PPFIBP1: variants seen among roughly 807,000 people sequenced by gnomAD.
The protein encoded by PPFIBP1 is PPFIB scaffold protein 1.
PPFIBP1 carries 112 observed loss-of-function variants against 137.8 expected under a neutral mutation model. The observed-to-expected ratio is 0.81, with a 90% CI of 0.70 to 0.95. The LOEUF (loss-of-function observed/expected upper bound fraction) is 0.95, where lower values mean the gene tolerates loss of function less well. PPFIBP1 is among the 40% of genes least tolerant of loss of function. PPFIBP1 has a pLI of 0.00. For missense variants in PPFIBP1, 1,083 were observed against 1,196.6 expected, an observed-to-expected ratio of 0.91 and a Z score of 1.40; for synonymous variants, 378 against 417.3, an observed-to-expected ratio of 0.91 and a Z score of 1.15.
At chr12:27,599,832 G>A (rs1011675883) in intron 2 of PPFIBP1, among the ~76,000 whole-genome samples, 1 of 152,116 alleles carries the variant, frequency 6.6e-6, no homozygotes, top group African/African-American at 2.4e-5. Context: ...CAAGTTTCAG[G>A]TCAAGAAAGG....
intron 2 of PPFIBP1, among the ~76,000 whole-genome samples, chr12:27,615,568 G>T (rs1202429279): frequency 6.6e-6 from 1 of 152,196 alleles, no homozygotes; most frequent in Non-Finnish European, 1.5e-5. Flanking sequence ...CTATAATAAG[G>T]TAATGATTCA....
intron 13 of PPFIBP1, among the ~76,000 whole-genome samples, chr12:27,669,959 G>A (rs977337427): frequency 1.3e-5 from 2 of 152,128 alleles, no homozygotes; most frequent in African/African-American, 2.4e-5. Flanking sequence ...AGTGAGAGTC[G>A]ACATCCACTG....
intron 7 of PPFIBP1, chr12:27,654,513 A>G: frequency 2.0e-6 from 1 of 508,226 alleles, no homozygotes. Context: ...ACTTTAGGGC[A>G]GACGCATTGG....
At chr12:27,608,364 C>T (rs1398139659) in intron 2 of PPFIBP1, among the ~76,000 whole-genome samples, 1 of 152,124 alleles carries the variant, frequency 6.6e-6, no homozygotes, top group Non-Finnish European at 1.5e-5. Context: ...CACAAATATT[C>T]GAGACATTAA....
chr12:27,530,139 T>C (rs1204145960), intron 1 of PPFIBP1, among the ~76,000 whole-genome samples: 1 of 152,262 alleles, frequency 6.6e-6, no homozygotes, highest in South Asian at 2.1e-4. Flanking sequence ...AGAATGCCTT[T>C]GCAACCGTTA....
At chr12:27,621,529 T>A (rs1481647655) in intron 2 of PPFIBP1, among the ~76,000 whole-genome samples, 1 of 152,206 alleles carries the variant, frequency 6.6e-6, no homozygotes, top group Non-Finnish European at 1.5e-5. Context: ...ATGTTAAGAA[T>A]ATATTTTGAA....
At chr12:27,542,177 A>C (rs577414407) in intron 1 of PPFIBP1, among the ~76,000 whole-genome samples, 2 of 152,332 alleles carry the variant, frequency 1.3e-5, no homozygotes, top group African/African-American at 4.8e-5. Flanking sequence ...ACCATACAAC[A>C]ATAAAAATAC....
chr12:27,569,717 C>T (rs572292468), intron 1 of PPFIBP1, among the ~76,000 whole-genome samples: 28 of 152,238 alleles, frequency 1.8e-4, no homozygotes, highest in African/African-American at 6.7e-4. Flanking sequence ...GGCTACCATG[C>T]CCAGCTACTT....
intron 1 of PPFIBP1, among the ~76,000 whole-genome samples, chr12:27,555,047 G>C (rs954575229): frequency 6.6e-6 from 1 of 152,086 alleles, no homozygotes. Context: ...GGGGTGGGGC[G>C]TGCATTCTTG....
At chr12:27,597,978 G>A (rs1490508978) in intron 2 of PPFIBP1, among the ~76,000 whole-genome samples, 6 of 151,842 alleles carry the variant, frequency 4.0e-5, no homozygotes, top group Non-Finnish European at 8.8e-5. Context: ...GCTAATTTTT[G>A]TTTTTTAGTA....
chr12:27,673,609 T>A (rs1462559586), intron 15 of PPFIBP1, among the ~76,000 whole-genome samples, 158 bp from the exon 16 acceptor site: 1 of 152,234 alleles, frequency 6.6e-6, no homozygotes, highest in East Asian at 1.9e-4. Flanking sequence ...CTAAATGTTG[T>A]CATTTAGTGA....
In PPFIBP1 at chr12:27,689,192, G is replaced by T; in HGVS notation, c.2674G>T (p.Ala892Ser). 6.4e-7 allele frequency: 1 copy of T among 1,566,578 alleles called. No individual in the cohort carries two copies. Among genetic ancestry groups the T allele is most frequent in the Non-Finnish European group, 8.6e-7 (1 of 1,163,132 alleles). ...GGATTATGTACTTCTAACAGCTACT[G>T]CCAAAGTGAAGGTTGGTTCAGGCTC... ...LPDYVLLTAT[A>S]KVKPKKLAFS... Residue 892 changes from alanine to serine, a missense_variant, in exon 27 of 30, where the codon GCC becomes TCC. Transcript: ENST00000228425.
intron 2 of PPFIBP1, among the ~76,000 whole-genome samples, chr12:27,597,663 C>T (rs2053475956): frequency 6.6e-6 from 1 of 152,084 alleles, no homozygotes; most frequent in African/African-American, 2.4e-5. Flanking sequence ...AAATGGAGCA[C>T]TTTGAACTGA....
intron 7 of PPFIBP1, among the ~76,000 whole-genome samples, chr12:27,651,066 C>T (rs931273829): frequency 4.6e-5 from 7 of 152,208 alleles, no homozygotes; most frequent in Non-Finnish European, 7.4e-5. Context: ...ATGTATTTCA[C>T]GCTGACTATA....
intron 5 of PPFIBP1, among the ~76,000 whole-genome samples, chr12:27,646,980 T>G (rs1400360868): frequency 6.6e-6 from 1 of 152,220 alleles, no homozygotes; most frequent in African/African-American, 2.4e-5. Flanking sequence ...AAAGAGCTCA[T>G]GGAATTTGAA....
intron 2 of PPFIBP1, among the ~76,000 whole-genome samples, chr12:27,596,770 A>C (rs1338727171): frequency 6.6e-6 from 1 of 152,236 alleles, no homozygotes; most frequent in East Asian, 1.9e-4. Context: ...TCCTCACAGC[A>C]ACTCAATCAG....
intron 2 of PPFIBP1, among the ~76,000 whole-genome samples, chr12:27,580,314 G>A (rs2050973854): frequency 1.3e-5 from 2 of 152,176 alleles, no homozygotes; most frequent in African/African-American, 4.8e-5. Flanking sequence ...AGGAAAAAAT[G>A]TATTTTCCCA....
rs574416507 is a variant in PPFIBP1 at position 27,561,514 on chromosome 12, G to A, written c.-123-16638G>A. ...GTGTTTTGATCTTCTATTTTGTATC[G>A]TTGGATAAAATGTGTCATTTTCCTT... On this transcript the variant is annotated intron_variant, in intron 1 of 29. Transcript: ENST00000228425. Among the ~76,000 whole-genome samples, 6 of 152,212 alleles carry A rather than the reference G, an allele frequency of 3.9e-5. No homozygotes were observed. The South Asian group carries it at 1.2e-3, about 32-fold the overall frequency.
At position 27,680,010 on chromosome 12, in the gene PPFIBP1, C is replaced by T. The variant is rs747580138; in HGVS notation, c.1844C>T (p.Ala615Val). 7 of 1,614,004 alleles carry T rather than the reference C, an allele frequency of 4.3e-6. No homozygotes were observed. In the African/African-American group the frequency reaches 9.3e-5, roughly 22 times the overall value. ...EPEFKRGGTR[A>V]TAGPRLGWSR... Reference sequence around the variant, plus strand: ...GAATTCAAAAGAGGAGGGACAAGGGCAACCGCGGGGCCCCGATTAGGTTGG... The same window carrying T: ...GAATTCAAAAGAGGAGGGACAAGGGTAACCGCGGGGCCCCGATTAGGTTGG... Residue 615 changes from alanine (A) to valine (V), a missense_variant, in exon 21 of 30, where the codon GCA becomes GTA. By Grantham distance (64) the Ala-to-Val change is moderately conservative. Transcript: ENST00000228425.
Sources: gnomAD v4.1 joint callset for allele counts (sites outside exome capture counted in the v4.1 genomes callset) on GRCh38, gnomAD v4.1.1 for gene constraint, MANE v1.5 for transcripts, NCBI Gene and HGNC (gene_info 2026-07-23, HGNC 2026-07-21) for gene names.